CTNND2: variants seen among roughly 807,000 people sequenced by gnomAD.
The protein encoded by CTNND2 is catenin delta 2.
Under a neutral mutation model 144.4 loss-of-function variants are expected in CTNND2, and 22 were observed. The observed-to-expected ratio is 0.15, with a 90% CI of 0.11 to 0.22. The LOEUF is 0.22. Ranked by LOEUF, CTNND2 falls within the 10% of genes least tolerant of loss-of-function variation. CTNND2 has a pLI of 1.00. For synonymous variants in CTNND2, 751 were observed against 695.6 expected (o/e 1.08, Z -1.25); for missense variants, 1,353 against 1,618.8 (o/e 0.84, Z 2.82).
chr5:11,840,487 T>C (rs1332847341), intron 1 of CTNND2, among the ~76,000 whole-genome samples: 1 of 152,128 alleles, frequency 6.6e-6, no homozygotes, highest in Non-Finnish European at 1.5e-5. Context: ...ACGATAAATA[T>C]CTTCTATGGT....
intron 10 of CTNND2, 92 bp from the exon 11 acceptor site, chr5:11,199,753 A>G (rs1737240663): frequency 2.2e-6 from 2 of 906,004 alleles, no homozygotes; most frequent in Admixed American, 3.9e-5. Flanking sequence ...ATCTGCTAAC[A>G]ATTAATCGCA....
intron 9 of CTNND2, among the ~76,000 whole-genome samples, chr5:11,250,718 G>A (rs903556762): frequency 2.0e-5 from 3 of 151,536 alleles, no homozygotes; most frequent in African/African-American, 7.3e-5. Flanking sequence ...GGTCTCACTA[G>A]GTTGCTCAGG....
intron 2 of CTNND2, among the ~76,000 whole-genome samples, chr5:11,636,571 C>T (rs185297099): frequency 1.5e-3 from 234 of 152,266 alleles, no homozygotes; most frequent in African/African-American, 5.3e-3. Context: ...CATTTCTATC[C>T]CCTCCTGATG....
intron 3 of CTNND2, among the ~76,000 whole-genome samples, chr5:11,536,152 C>G (rs1322355102): frequency 6.6e-6 from 1 of 152,222 alleles, no homozygotes; most frequent in Non-Finnish European, 1.5e-5. Flanking sequence ...CAGCTTTGAA[C>G]TAGTGGGCTC....
Position 11,382,595 on chromosome 5 carries a change from C to G in CTNND2, c.1177+2070G>C, listed in dbSNP as rs866953455. On this transcript the variant is annotated intron_variant, in intron 7 of 21. Transcript: ENST00000304623. ...CCTGGGCAACCGACAGAGTGAGACT[C>G]TGTGTGTGTGTGTGTGTGTGTGTGT... Among the ~76,000 whole-genome samples, 263 of 130,236 alleles carry G rather than the reference C, an allele frequency of 2.0e-3. 2 individuals carry two copies. The highest frequency in any genetic ancestry group is 7.6e-3 in the African/African-American group (251 of 33,124). 85.4% of individuals were successfully genotyped at this position (130,236 alleles called of 152,430 possible).
At position 11,159,607 on chromosome 5, in the gene CTNND2, G is replaced by C. The variant is rs1370136967; in HGVS notation, c.2128C>G (p.Gln710Glu). The C allele has an allele frequency of 6.2e-7, 1 of 1,613,238 alleles. No individual in the cohort carries two copies. The highest frequency in any genetic ancestry group is 1.7e-5 in the Admixed American group (1 of 59,892). Reference sequence around the variant, plus strand: ...CACCCGGTGGCGTTACGCAGCACCTGTGATGAATGCAGCTGTATTTTCCGA... The same window carrying C: ...CACCCGGTGGCGTTACGCAGCACCTCTGATGAATGCAGCTGTATTTTCCGA... ...DDRKIQLHSS[Q>E]VLRNATGCLR... The change falls in exon 12 of 22, where the codon CAG (glutamine) becomes GAG (glutamate). Residue 710 changes from glutamine to glutamate, a missense_variant. Around this residue, in one of 4 missense-constraint regions of CTNND2, gnomAD observed 117 missense variants for 117.8 expected, o/e 0.99. Transcript: ENST00000304623.
chr5:11,585,508 C>CTATA, intron 2 of CTNND2, among the ~76,000 whole-genome samples: 1 of 151,690 alleles, frequency 6.6e-6, no homozygotes, highest in Non-Finnish European at 1.5e-5. Context: ...ATCTATCTAT[C>CTATA]TATCTATCTA....
intron 2 of CTNND2, among the ~76,000 whole-genome samples, chr5:11,646,317 T>C (rs1393402550): frequency 2.0e-5 from 3 of 152,328 alleles, no homozygotes; most frequent in East Asian, 3.9e-4. Flanking sequence ...ATTCATTTTA[T>C]AATGAGGCAA....
At chr5:11,411,512 A>G in intron 5 of CTNND2, 24 bp downstream of exon 5, 1 of 1,193,308 alleles carries the variant, frequency 8.4e-7, no homozygotes, top group Non-Finnish European at 1.2e-6. Flanking sequence ...AACTATCTTC[A>G]AGCATAACTG....
At chr5:11,760,864 T>C (rs1789220798) in intron 1 of CTNND2, among the ~76,000 whole-genome samples, 2 of 152,320 alleles carry the variant, frequency 1.3e-5, no homozygotes, top group Non-Finnish European at 2.9e-5. Context: ...GAAAGAGTTT[T>C]TACCAACCAT....
Position 11,532,556 on chromosome 5 carries a change from T to C in CTNND2, c.287+32388A>G, listed in dbSNP as rs552308102. ...GTTTATTGAGCTATTGAGCACCTAC[T>C]GTAGGTCATCCACCTTGCCAGGGGC... is the stretch of plus-strand genomic sequence containing the variant. On this transcript the variant is annotated intron_variant, in intron 3 of 21. Coordinates refer to ENST00000304623, the MANE Select transcript of CTNND2 (RefSeq NM_001332.4). Among the ~76,000 whole-genome samples the C allele has an allele frequency of 2.6e-5, 4 of 152,308 alleles. No individual in the cohort carries two copies. The East Asian group carries it at 7.7e-4, about 29-fold the overall frequency.
intron 21 of CTNND2, among the ~76,000 whole-genome samples, chr5:10,977,097 T>TAA (rs111799738): frequency 6.6e-6 from 1 of 151,804 alleles, no homozygotes; most frequent in Non-Finnish European, 1.5e-5. Context: ...GGCACAGAGG[T>TAA]AAAAAAAATG....
intron 13 of CTNND2, among the ~76,000 whole-genome samples, chr5:11,117,110 T>G (rs1251978089): frequency 1.3e-5 from 2 of 150,512 alleles, no homozygotes; most frequent in African/African-American, 5.0e-5. Context: ...ACATCTTGTC[T>G]TTTCTGTTGA....
intron 3 of CTNND2, among the ~76,000 whole-genome samples, chr5:11,441,279 A>G (rs1421112455): frequency 6.6e-6 from 1 of 151,848 alleles, no homozygotes; most frequent in African/African-American, 2.4e-5. Flanking sequence ...AACAGAGTTG[A>G]TATAAAAACT....
At chr5:11,216,697 A>G (rs1216394365) in intron 10 of CTNND2, among the ~76,000 whole-genome samples, 2 of 152,236 alleles carry the variant, frequency 1.3e-5, no homozygotes, top group Admixed American at 6.5e-5. Flanking sequence ...GAAATTTGTT[A>G]CAGCAGCAAT....
At chr5:11,868,789 G>A (rs1245445300) in intron 1 of CTNND2, among the ~76,000 whole-genome samples, 2 of 152,108 alleles carry the variant, frequency 1.3e-5, no homozygotes, top group Non-Finnish European at 1.5e-5. Context: ...GCCATGTGAG[G>A]CCCTCCACAG....
intron 2 of CTNND2, among the ~76,000 whole-genome samples, chr5:11,567,740 T>G (rs1319421289): frequency 6.6e-6 from 1 of 152,134 alleles, no homozygotes; most frequent in African/African-American, 2.4e-5. Context: ...ACATGTTGAT[T>G]ATACCTATAT....
intron 15 of CTNND2, among the ~76,000 whole-genome samples, chr5:11,092,101 G>C (rs944824278): frequency 6.6e-6 from 1 of 152,142 alleles, no homozygotes; most frequent in African/African-American, 2.4e-5. Context: ...GTGGTGAGCT[G>C]AGACAATCAG....
intron 2 of CTNND2, among the ~76,000 whole-genome samples, chr5:11,723,362 G>A (rs1237322022): frequency 6.6e-6 from 1 of 152,084 alleles, no homozygotes; most frequent in Non-Finnish European, 1.5e-5. Context: ...AGTTTTGATT[G>A]AGGTTGTTTA....
Sources: allele counts gnomAD v4.1 joint callset (sites outside exome capture counted in the v4.1 genomes callset), GRCh38; gene constraint gnomAD v4.1.1; regional missense constraint gnomAD v4.1.1; transcripts MANE v1.5; gene names NCBI Gene and HGNC (gene_info 2026-07-23, HGNC 2026-07-21).